The following MLH3 variants were observed in gnomAD, a reference collection of about 807,000 sequenced individuals.
The protein encoded by MLH3 is mutL homolog 3.
In MLH3, 82 loss-of-function variants were observed where a neutral mutation model predicts 122.2. The observed-to-expected ratio is 0.67, with a 90% confidence interval of 0.56 to 0.81. The LOEUF (loss-of-function observed/expected upper bound fraction) is 0.81, where lower values mean the gene tolerates loss of function less well. Among genes scored for constraint, MLH3 ranks in the 30% least tolerant of loss-of-function variants. The pLI, the probability that MLH3 is intolerant of heterozygous loss-of-function variation, is 0.00. For missense variants in MLH3, 1,539 were observed against 1,714.5 expected, an observed-to-expected ratio of 0.90 and a Z score of 1.81; for synonymous variants, 524 against 599.5, an observed-to-expected ratio of 0.87 and a Z score of 1.84.
Position 75,048,703 on chromosome 14 carries a change from T to A in MLH3, c.953A>T (p.Asp318Val), listed in dbSNP as rs1281805197. 4 of 1,614,070 alleles carry A rather than the reference T, an allele frequency of 2.5e-6. No homozygotes were observed. The highest frequency in any genetic ancestry group is 3.4e-6 in the Non-Finnish European group (4 of 1,180,032). ...INVQCQFCEY[D>V]VCMEPAKTLI... The stretch of plus-strand genomic sequence containing the variant: ...AGTTTTGGCTGGCTCCATGCACACA[T>A]CATACTCACAGAATTGGCACTGCAC... The change falls in exon 2 of 13, where the codon GAT becomes GTT. Residue 318 changes from aspartate to valine, a missense_variant. Transcript: ENST00000355774.
intron 2 of MLH3, 97 bp from the exon 3 acceptor site, chr14:75,042,574 A>G: frequency 1.1e-6 from 1 of 877,182 alleles, no homozygotes; most frequent in Non-Finnish European, 1.9e-6. Flanking sequence ...GCACAAACTG[A>G]GTCAAGACAT....
intron 8 of MLH3, 39 bp downstream of exon 8, chr14:75,032,029 T>G (rs567086056): frequency 9.2e-6 from 11 of 1,198,230 alleles, no homozygotes; most frequent in South Asian, 8.5e-5. Flanking sequence ...ATTGTGAGAA[T>G]TGATACCATC....
At chr14:75,037,577 T>C (rs1891505147) in intron 6 of MLH3, among the ~76,000 whole-genome samples, 1 of 151,398 alleles carries the variant, frequency 6.6e-6, no homozygotes, top group Non-Finnish European at 1.5e-5. Context: ...CCTAGCAGAG[T>C]TCATTATATA....
rs554858589 is a variant in MLH3 at position 75,047,500 on chromosome 14, C to G, written c.2156G>C (p.Trp719Ser). The G allele has an allele frequency of 2.5e-6, 4 of 1,614,018 alleles. No individual in the cohort carries two copies. In the Admixed American group the frequency reaches 5.0e-5, roughly 20 times the overall value. The change falls in exon 2 of 13, where the codon TGG (tryptophan) becomes TCG (serine). Residue 719 changes from tryptophan (W) to serine (S), a missense_variant. By Grantham distance (177) the Trp-to-Ser change is radical (BLOSUM62 -3). Transcript: ENST00000355774. ...ACTATCATTGGAAACGTGTCTATAC[C>G]AGGGGAAAGAGGGGGATGTATCAGA... is the stretch of plus-strand genomic sequence containing the variant. ...ILSDTSPSFP[W>S]YRHVSNDSRK...
At position 75,032,179 on chromosome 14, in the gene MLH3, T is replaced by A. The variant is rs1195320045; in HGVS notation, c.3716A>T (p.Asp1239Val). The A allele has an allele frequency of 2.5e-6, 4 of 1,592,164 alleles. No homozygotes were observed. Among genetic ancestry groups the A allele is most frequent in the Non-Finnish European group, 3.4e-6 (4 of 1,160,014 alleles). ...TTGTGCCTGTTGCTTCTCGTAGGAA[T>A]CTATTGGCAGAAAGATGAATGGGTT... is the stretch of plus-strand genomic sequence containing the variant. ...ERIRLEQLII[D>V]SYEKQQAQGS... The change falls in exon 8 of 13, where the codon GAT (aspartate) becomes GTT (valine). Residue 1239 changes from aspartate (D) to valine (V), a missense_variant and splice_region_variant. Physicochemically the swap from Asp to Val is radical, Grantham distance 152. Transcript: ENST00000355774.
In MLH3 at chr14:75,018,913, T is replaced by C; in HGVS notation, c.4158A>G (p.Ser1386=). The C allele has an allele frequency of 1.2e-6, 2 of 1,614,160 alleles. No individual in the cohort carries two copies. Among genetic ancestry groups the C allele is most frequent in the Non-Finnish European group, 1.7e-6 (2 of 1,180,026 alleles). The change falls in exon 12 of 13, where the codon TCA becomes TCG. Residue 1386 remains serine, a synonymous_variant. Coordinates refer to ENST00000355774, the MANE Select transcript of MLH3 (RefSeq NM_001040108.2). ...ESCRLIEALS[S]CQLPFQCAHG... ...GAGCACACTGGAATGGCAGCTGGCATGAGGACAGAGCTTCAATAAGGCGGC... is the reference window on the plus strand; with the variant it reads ...GAGCACACTGGAATGGCAGCTGGCACGAGGACAGAGCTTCAATAAGGCGGC...
At chr14:75,036,353 A>T (rs1202692664) in intron 6 of MLH3, among the ~76,000 whole-genome samples, 11 of 149,762 alleles carry the variant, frequency 7.3e-5, no homozygotes, top group East Asian at 3.9e-4. Context: ...ACATCTTTTT[A>T]TTTTATTTTT....
chr14:75,040,449 C>CAAAAAAAAAAAAAAAAAAAAAAAAA lies in MLH3; in HGVS notation c.3466-459_3466-435dup, dbSNP rs36233766. On this transcript the variant is annotated intron_variant, in intron 4 of 12. Transcript: ENST00000355774. ...TGGGCGACACAGCAAGACTCTGTCACAAAAAAAAAAAAAAAAAAAAAAAAA... is the reference window on the plus strand; with the variant it reads ...TGGGCGACACAGCAAGACTCTGTCACAAAAAAAAAAAAAAAAAAAAAAAAAAAAAAAAAAAAAAAAAAAAAAAAAA... Among the ~76,000 whole-genome samples, 2 of 35,592 alleles carry CAAAAAAAAAAAAAAAAAAAAAAAAA rather than the reference C, an allele frequency of 5.6e-5. 1 individual carries two copies. Among genetic ancestry groups the CAAAAAAAAAAAAAAAAAAAAAAAAA allele is most frequent in the Non-Finnish European group, 1.0e-4 (2 of 19,992 alleles). 23.3% of individuals were successfully genotyped at this position (35,592 alleles called of 152,430 possible). A position where few individuals can be genotyped will look rare whatever the true frequency, so the allele number is the denominator to read the frequency against.
chr14:75,037,960 C>T (rs905673118), intron 6 of MLH3, among the ~76,000 whole-genome samples: 6 of 152,182 alleles, frequency 3.9e-5, no homozygotes, highest in East Asian at 1.9e-4. Context: ...AGTGTAATAG[C>T]GCAATCTCGG....
At chr14:75,041,546 C>T (rs960598400) in intron 4 of MLH3, 69 bp downstream of exon 4, 27 of 1,289,668 alleles carry the variant, frequency 2.1e-5, no homozygotes, top group Non-Finnish European at 2.8e-5. Context: ...AAAACTCCAT[C>T]TCAAAATTTA....
In MLH3 at chr14:75,046,553, C is replaced by T. The variant is rs143865811; in HGVS notation, c.3103G>A (p.Glu1035Lys). ...TCTGAACAACACGTGTTTGACTCTT[C>T]AGTTTCAGAACAAGCTCTTGCTTTA... ...ESKARACSETEESNTCCSDWQ... is the reference protein window; with the variant it reads ...ESKARACSETKESNTCCSDWQ... Residue 1035 changes from glutamate (E) to lysine (K), a missense_variant, in exon 2 of 13, where the codon GAA becomes AAA. Coordinates refer to ENST00000355774, the MANE Select transcript of MLH3 (RefSeq NM_001040108.2). 174 of 1,614,084 alleles carry T rather than the reference C, an allele frequency of 1.1e-4. No individual in the cohort carries two copies. The highest frequency in any genetic ancestry group is 1.4e-4 in the Non-Finnish European group (166 of 1,180,042).
chr14:75,033,329 C>G, intron 7 of MLH3, 90 bp downstream of exon 7: 4 of 1,001,756 alleles, frequency 4.0e-6, no homozygotes, highest in Non-Finnish European at 6.3e-6. Context: ...AGTGTGCTTT[C>G]TCACAACAGT....
chr14:75,046,663 A>C lies in MLH3; in HGVS notation c.2993T>G (p.Leu998Arg). 1 of 1,614,220 alleles carries C rather than the reference A, an allele frequency of 6.2e-7. No homozygotes were observed. The highest frequency in any genetic ancestry group is 1.3e-5 in the African/African-American group (1 of 75,058). The change falls in exon 2 of 13, where the codon CTT becomes CGT. Residue 998 changes from leucine (L) to arginine (R), a missense_variant. Coordinates refer to ENST00000355774, the MANE Select transcript of MLH3 (RefSeq NM_001040108.2). The stretch of plus-strand genomic sequence containing the variant: ...CATTAACATTCCACTGGGAGAGTCA[A>C]GACTTCCTATCTGTTGTTCTGAGGC... ...IRASEQQIGSLDSPSGMLMNP... is the reference protein window; with the variant it reads ...IRASEQQIGSRDSPSGMLMNP...
In MLH3 at chr14:75,027,678, A is replaced by AC. The variant is rs1354998304; in HGVS notation, c.3987+2864_3987+2865insG. 2.1e-3 allele frequency among the ~76,000 whole-genome samples: 138 copies of AC among 66,218 alleles called. 5 individuals carry two copies. The highest frequency in any genetic ancestry group is 0.023 in the Middle Eastern group (2 of 86). 43.4% of individuals were successfully genotyped at this position (66,218 alleles called of 152,430 possible). ...ATTTACTTCAGTAAAAAAAAAAAAA[A>AC]AAAAAAAAAAAAAAAACCCAAAAGA... On this transcript the variant is annotated intron_variant, in intron 9 of 12. Coordinates refer to ENST00000355774, the MANE Select transcript of MLH3 (RefSeq NM_001040108.2).
chr14:75,030,822 A>AT (rs1207007384), intron 8 of MLH3, 120 bp from the exon 9 acceptor site: 18 of 818,964 alleles, frequency 2.2e-5, no homozygotes, highest in Non-Finnish European at 3.4e-5. Flanking sequence ...TAACAACCGT[A>AT]TTGTTTTTCT....
At position 75,014,674 on chromosome 14, in the gene MLH3, G is replaced by C. The variant is rs1224493937; in HGVS notation, c.*2408C>G. ...GTGTTGATGAATGTTACAGAAAAAG[G>C]AACTCTCAAGAATGGCTGCATTTTA... On this transcript the variant is annotated 3_prime_UTR_variant, in exon 13 of 13. Coordinates refer to ENST00000355774, the MANE Select transcript of MLH3 (RefSeq NM_001040108.2). The C allele has an allele frequency of 1.5e-5, 3 of 204,434 alleles. No individual in the cohort carries two copies. The highest frequency in any genetic ancestry group is 3.0e-5 in the Non-Finnish European group (3 of 99,700). The allele number at this position is 204,434 out of a possible 1,614,324, so 12.7% of individuals were successfully genotyped here.
rs746151819 is a variant in MLH3 at position 75,046,581 on chromosome 14, T to C, written c.3075A>G (p.Glu1025=). Reference sequence around the variant, plus strand: ...TTTCAGAACAAGCTCTTGCTTTAGATTCCTCACTCTGAAAACAAATTCCAT... The same window carrying C: ...TTTCAGAACAAGCTCTTGCTTTAGACTCCTCACTCTGAAAACAAATTCCAT... ...DQNGICFQSE[E]SKARACSETE... The change falls in exon 2 of 13, where the codon GAA becomes GAG. Residue 1025 remains glutamate (E), a synonymous_variant. Transcript: ENST00000355774. 6.2e-6 allele frequency: 10 copies of C among 1,614,080 alleles called. No individual in the cohort carries two copies. In the South Asian group the frequency reaches 7.7e-5, roughly 12 times the overall value.
rs977072796 is a variant in MLH3, at chr14:75,047,232, A to G, written c.2424T>C (p.Thr808=). ...TACTATCTGAATCACTATGCTCCATAGTAGTGATTTTACAAACATCAGAGT... is the reference window on the plus strand; with the variant it reads ...TACTATCTGAATCACTATGCTCCATGGTAGTGATTTTACAAACATCAGAGT... ...LENSDVCKIT[T]MEHSDSDSSC... The change falls in exon 2 of 13, where the codon ACT becomes ACC. Residue 808 remains threonine (T), a synonymous_variant. Transcript: ENST00000355774. The G allele has an allele frequency of 1.9e-6, 3 of 1,614,128 alleles. No individual in the cohort carries two copies. Among genetic ancestry groups the G allele is most frequent in the Non-Finnish European group, 2.5e-6 (3 of 1,180,002 alleles).
In MLH3 at chr14:75,027,943, A is replaced by G. The variant is rs28757032; in HGVS notation, c.3987+2600T>C. Among the ~76,000 whole-genome samples the G allele has an allele frequency of 6.2e-4, 95 of 152,010 alleles. 1 individual carries two copies. The highest frequency in any genetic ancestry group is 2.2e-3 in the African/African-American group (92 of 41,536). On this transcript the variant is annotated intron_variant, in intron 9 of 12. Transcript: ENST00000355774. ...AGAAGTGAATTACTTTTAAACTTTG[A>G]TAAGTATGCATGCTAAAAGTTAAGG...
Sources: gnomAD v4.1 joint callset for allele counts (sites outside exome capture counted in the v4.1 genomes callset) on GRCh38, gnomAD v4.1.1 for gene constraint, MANE v1.5 for transcripts, NCBI Gene and HGNC (gene_info 2026-07-23, HGNC 2026-07-21) for gene names.